The following CIDEA variants were observed in gnomAD, a reference collection of about 807,000 sequenced individuals.
CIDEA encodes the protein lipid transferase CIDEA.
CIDEA carries 10 observed loss-of-function variants against 18.2 expected under a neutral mutation model. The observed-to-expected ratio is 0.55, with a 90% CI of 0.34 to 0.93. The LOEUF (loss-of-function observed/expected upper bound fraction) is 0.93. CIDEA is among the 40% of genes least tolerant of loss of function. The pLI is 0.02. For missense variants in CIDEA, 309 were observed against 293.1 expected (o/e 1.05, Z -0.40); for synonymous variants, 128 against 124.8 (o/e 1.03, Z -0.17).
At chr18:12,264,490 T>C in intron 3 of CIDEA, 37 bp downstream of exon 3, 1 of 1,573,854 alleles carries the variant, frequency 6.4e-7, no homozygotes, top group Non-Finnish European at 8.6e-7. Context: ...AGCTACTGGG[T>C]AGACTTTTTA....
chr18:12,264,720 A>AT (rs1390676615), intron 3 of CIDEA, among the ~76,000 whole-genome samples: 2 of 151,956 alleles, frequency 1.3e-5, no homozygotes, highest in African/African-American at 2.4e-5. Flanking sequence ...CGCCTGGCTA[A>AT]CTTTTTGTAT....
At chr18:12,267,738 A>C (rs1912391119) in intron 3 of CIDEA, among the ~76,000 whole-genome samples, 1 of 152,170 alleles carries the variant, frequency 6.6e-6, no homozygotes, top group East Asian at 1.9e-4. Context: ...CAAGTGATCC[A>C]CCGGCCTTGG....
At chr18:12,269,485 A>G (rs1480079752) in intron 3 of CIDEA, among the ~76,000 whole-genome samples, 1 of 152,196 alleles carries the variant, frequency 6.6e-6, no homozygotes, top group Non-Finnish European at 1.5e-5. Flanking sequence ...ATACCAGTGA[A>G]GTTGGCCTCC....
At chr18:12,263,102 G>T (rs1311543224) in intron 2 of CIDEA, 133 bp downstream of exon 2, 18 of 900,470 alleles carry the variant, frequency 2.0e-5, no homozygotes, top group South Asian at 4.2e-5. Flanking sequence ...GGGGGAAACG[G>T]GGAGAGAAAT....
intron 3 of CIDEA, among the ~76,000 whole-genome samples, chr18:12,271,107 C>T (rs1346787350): frequency 2.0e-5 from 3 of 152,038 alleles, no homozygotes; most frequent in African/African-American, 7.2e-5. Context: ...CCATGTTGGC[C>T]AGGCTGGTCT....
chr18:12,264,769 G>A (rs1171519484), intron 3 of CIDEA, among the ~76,000 whole-genome samples: 1 of 151,788 alleles, frequency 6.6e-6, no homozygotes, highest in Admixed American at 6.6e-5. Flanking sequence ...TAGCCAGGAT[G>A]GTCTCGATCT....
chr18:12,258,630 A>G (rs1220206529), intron 1 of CIDEA, among the ~76,000 whole-genome samples: 3 of 151,002 alleles, frequency 2.0e-5, no homozygotes, highest in Non-Finnish European at 4.4e-5. Context: ...CTCTTGTGGG[A>G]GCCGCGTCTT....
At chr18:12,271,665 A>T (rs2144083107) in intron 3 of CIDEA, among the ~76,000 whole-genome samples, 1 of 152,294 alleles carries the variant, frequency 6.6e-6, no homozygotes, top group Middle Eastern at 3.4e-3. Flanking sequence ...GGGGCGGTCG[A>T]TGCCACGGGT....
At position 12,270,863 on chromosome 18, in the gene CIDEA, G is replaced by GTTTGT. The variant is rs1381099282; in HGVS notation, c.331-3226_331-3222dup. On this transcript the variant is annotated intron_variant, in intron 3 of 4. Coordinates refer to ENST00000320477, the MANE Select transcript of CIDEA (RefSeq NM_001279.4). The stretch of plus-strand genomic sequence containing the variant: ...GCCCCCACAGACCACAGACACCTCT[G>GTTTGT]TTTGTTTTCTTTTCTTTTTCTTTTT... Among the ~76,000 whole-genome samples, 3 of 119,650 alleles carry GTTTGT rather than the reference G, an allele frequency of 2.5e-5. No individual in the cohort carries two copies. In the East Asian group the frequency reaches 7.7e-4, roughly 31 times the overall value. 78.5% of individuals were successfully genotyped at this position (119,650 alleles called of 152,430 possible). A position where few individuals can be genotyped will look rare whatever the true frequency, so the allele number is the denominator to read the frequency against.
chr18:12,277,387 C>G lies in CIDEA; in HGVS notation c.*117C>G. 1 of 1,164,442 alleles carries G rather than the reference C, an allele frequency of 8.6e-7. No individual in the cohort carries two copies. Among genetic ancestry groups the G allele is most frequent in the Non-Finnish European group, 1.2e-6 (1 of 821,272 alleles). The allele number at this position is 1,164,442 out of a possible 1,614,324, so 72.1% of individuals were successfully genotyped here. A position where few individuals can be genotyped will look rare whatever the true frequency, so the allele number is the denominator to read the frequency against. On this transcript the variant is annotated 3_prime_UTR_variant, in exon 5 of 5. Transcript: ENST00000320477. Reference sequence around the variant, plus strand: ...ATGCACTTGGAGGCCGCTGGTCACGCTGCTCAGGAGTGGTGCCCAGAAAAG... The same window carrying G: ...ATGCACTTGGAGGCCGCTGGTCACGGTGCTCAGGAGTGGTGCCCAGAAAAG...
intron 1 of CIDEA, among the ~76,000 whole-genome samples, chr18:12,256,995 G>T (rs967885651): frequency 5.3e-5 from 8 of 152,124 alleles, no homozygotes; most frequent in African/African-American, 1.9e-4. Flanking sequence ...AGCCCTAGGG[G>T]AGCCGGGCAG....
chr18:12,274,615 G>C (rs1355050960), intron 4 of CIDEA, among the ~76,000 whole-genome samples: 4 of 152,302 alleles, frequency 2.6e-5, no homozygotes, highest in Admixed American at 1.3e-4. Flanking sequence ...GGTCGTGGCC[G>C]GGTTTGTACA....
chr18:12,270,960 G>A (rs9966377), intron 3 of CIDEA, among the ~76,000 whole-genome samples: 24,440 of 138,080 alleles, frequency 0.18, 2,855 homozygotes, highest in African/African-American at 0.35. Flanking sequence ...GTGCAATGGC[G>A]TGATCTGGGC....
chr18:12,267,877 G>T (rs1322024547), intron 3 of CIDEA, among the ~76,000 whole-genome samples: 1 of 152,092 alleles, frequency 6.6e-6, no homozygotes, highest in Admixed American at 6.6e-5. Flanking sequence ...ATTTGTTAAT[G>T]TCTGAAGACA....
At chr18:12,261,690 C>T (rs1199918309) in intron 1 of CIDEA, among the ~76,000 whole-genome samples, 1 of 152,062 alleles carries the variant, frequency 6.6e-6, no homozygotes, top group Non-Finnish European at 1.5e-5. Context: ...CCTCTCATCT[C>T]CACTTCCTGA....
At chr18:12,269,246 T>C (rs1568104650) in intron 3 of CIDEA, among the ~76,000 whole-genome samples, 1 of 152,264 alleles carries the variant, frequency 6.6e-6, no homozygotes, top group Non-Finnish European at 1.5e-5. Context: ...TTCTTATATC[T>C]GCTTCTTTAT....
chr18:12,258,495 G>C (rs1912099869), intron 1 of CIDEA, among the ~76,000 whole-genome samples: 1 of 152,224 alleles, frequency 6.6e-6, no homozygotes, highest in Non-Finnish European at 1.5e-5. Context: ...GGCGCTGTGG[G>C]AAAGTAGGAG....
rs551529294 is a variant in CIDEA at position 12,258,603 on chromosome 18, T to G, written c.38+4182T>G. Among the ~76,000 whole-genome samples the G allele has an allele frequency of 2.0e-5, 3 of 152,272 alleles. No homozygotes were observed. The South Asian group carries it at 6.2e-4, about 32-fold the overall frequency. On this transcript the variant is annotated intron_variant, in intron 1 of 4. Coordinates refer to ENST00000320477, the MANE Select transcript of CIDEA (RefSeq NM_001279.4). ...GCGAAGAGGGGCTCTTTCTCGCTGC[T>G]GAGGCCGGGCCCTTCTCTCTTGTGG...
At position 12,261,257 on chromosome 18, in the gene CIDEA, G is replaced by A. The variant is rs1192513399; in HGVS notation, c.39-1568G>A. Reference sequence around the variant, plus strand: ...AAATTAGCTGGCCATGGTGGTGCACGCCTGCAATCCCAGCTACTCAGGAGG... The same window carrying A: ...AAATTAGCTGGCCATGGTGGTGCACACCTGCAATCCCAGCTACTCAGGAGG... On this transcript the variant is annotated intron_variant, in intron 1 of 4. Transcript: ENST00000320477. Among the ~76,000 whole-genome samples, 3 of 152,128 alleles carry A rather than the reference G, an allele frequency of 2.0e-5. No individual in the cohort carries two copies. In the East Asian group the frequency reaches 5.8e-4, roughly 29 times the overall value.
Sources: allele counts gnomAD v4.1 joint callset (sites outside exome capture counted in the v4.1 genomes callset), GRCh38; gene constraint gnomAD v4.1.1; transcripts MANE v1.5; gene names NCBI Gene and HGNC (gene_info 2026-07-23, HGNC 2026-07-21).